FBXO34: variants seen among roughly 807,000 people sequenced by gnomAD.
The protein encoded by FBXO34 is F-box only protein 34.
A neutral mutation model predicts 24.5 loss-of-function variants in FBXO34; 12 were observed. The observed-to-expected ratio is 0.49, with a 90% CI of 0.31 to 0.79. The LOEUF is 0.79. FBXO34 is among the 30% of genes least tolerant of loss of function. The probability of loss-of-function intolerance (pLI) is 0.04; values close to 1 mark genes in which losing one functional copy is unlikely to be tolerated. For missense variants in FBXO34, 823 were observed against 857.7 expected, an observed-to-expected ratio of 0.96 and a Z score of 0.51; for synonymous variants, 320 against 311.9, an observed-to-expected ratio of 1.03 and a Z score of -0.27.
the FBXO34 span, among the ~76,000 whole-genome samples, chr14:55,416,685 T>TG: frequency 1.3e-5 from 2 of 152,186 alleles, no homozygotes; most frequent in Non-Finnish European, 2.9e-5. Flanking sequence ...AGTGAGTTGG[T>TG]GAAGAAGCAA....
At chr14:55,426,652 G>A in the FBXO34 span, among the ~76,000 whole-genome samples, 52 of 151,950 alleles carry the variant, frequency 3.4e-4, no homozygotes, top group Non-Finnish European at 1.5e-5. Context: ...ATGAGGGGGA[G>A]GCAAGAATGA....
At chr14:55,306,088 C>G (rs1566548339) in intron 1 of FBXO34, among the ~76,000 whole-genome samples, 1 of 152,216 alleles carries the variant, frequency 6.6e-6, no homozygotes, top group Non-Finnish European at 1.5e-5. Context: ...CTCCTCTTTT[C>G]CCAGTCATTA....
Position 55,350,987 on chromosome 14 carries a change from C to T in FBXO34, c.597C>T (p.Val199=). 1 of 1,614,174 alleles carries T rather than the reference C, an allele frequency of 6.2e-7. No homozygotes were observed. Among genetic ancestry groups the T allele is most frequent in the Non-Finnish European group, 8.5e-7 (1 of 1,180,016 alleles). Residue 199 remains valine (V), a synonymous_variant, in exon 2 of 2, where the codon GTC becomes GTT. Coordinates refer to ENST00000313833, the MANE Select transcript of FBXO34 (RefSeq NM_017943.4). ...ATGTGAGTGACAGTGGGGATGGAGT[C>T]TATGCTGGGAGGCCTCTGTCAGTTA... ...VHYVSDSGDG[V]YAGRPLSVIQ...
chr14:55,333,592 A>G (rs199727571), intron 1 of FBXO34, among the ~76,000 whole-genome samples: 1 of 152,216 alleles, frequency 6.6e-6, no homozygotes, highest in African/African-American at 2.4e-5. Context: ...ATATAGTTTA[A>G]TTATGTTTTT....
chr14:55,370,389 A>C (rs1167274108), downstream of FBXO34, among the ~76,000 whole-genome samples: 1 of 141,354 alleles, frequency 7.1e-6, no homozygotes, highest in African/African-American at 2.5e-5. Context: ...GTTCCTGTAC[A>C]TATTTAAAAA....
chr14:55,388,141 CCAA>C, the FBXO34 span, among the ~76,000 whole-genome samples: 21 of 152,186 alleles, frequency 1.4e-4, no homozygotes, highest in Middle Eastern at 6.8e-3. Context: ...CATCTCAAAA[CCAA>C]CAACAACAAC....
At chr14:55,442,716 T>C in the FBXO34 span, among the ~76,000 whole-genome samples, 2 of 97,488 alleles carry the variant, frequency 2.1e-5, no homozygotes, top group African/African-American at 8.1e-5. Context: ...TGAGATAACC[T>C]ACACATTTTT....
At chr14:55,315,217 TTA>T (rs1288084425) in intron 1 of FBXO34, among the ~76,000 whole-genome samples, 4 of 152,200 alleles carry the variant, frequency 2.6e-5, no homozygotes, top group African/African-American at 7.2e-5. Flanking sequence ...TCCATGAAAT[TTA>T]TGTTTTTCTT....
intron 1 of FBXO34, among the ~76,000 whole-genome samples, chr14:55,281,747 G>A (rs1881550813): frequency 6.6e-6 from 1 of 152,104 alleles, no homozygotes; most frequent in South Asian, 2.1e-4. Flanking sequence ...TGAGTACTTA[G>A]CCACTCAGCA....
downstream of FBXO34, among the ~76,000 whole-genome samples, chr14:55,365,075 AAAAG>A (rs2140107625): frequency 6.6e-6 from 1 of 150,404 alleles, no homozygotes; most frequent in East Asian, 2.0e-4. Context: ...AAAAAAAAAA[AAAAG>A]CCAGGTGTGG....
At chr14:55,344,174 CTCACCTTCTAG>C (rs1437116249) in intron 1 of FBXO34, among the ~76,000 whole-genome samples, 1 of 152,180 alleles carries the variant, frequency 6.6e-6, no homozygotes, top group Non-Finnish European at 1.5e-5. Flanking sequence ...TGCTCACCCT[CTCACCTTCTAG>C]TCACCCCTCC....
intron 1 of FBXO34, among the ~76,000 whole-genome samples, chr14:55,338,296 G>A (rs142720550): frequency 0.058 from 8,818 of 151,582 alleles, 325 homozygotes; most frequent in South Asian, 0.089. Context: ...TGATCTGCCC[G>A]CCTCGGCCTC....
chr14:55,365,531 C>G (rs778340839), downstream of FBXO34, among the ~76,000 whole-genome samples: 8 of 152,124 alleles, frequency 5.3e-5, no homozygotes, highest in Non-Finnish European at 7.4e-5. Flanking sequence ...TTTATTGATG[C>G]AACTTTTAAA....
intron 1 of FBXO34, among the ~76,000 whole-genome samples, chr14:55,304,780 G>C (rs2139722709): frequency 6.6e-6 from 1 of 152,266 alleles, no homozygotes; most frequent in Admixed American, 6.5e-5. Flanking sequence ...TTATAGGCTT[G>C]AGCCATTGTG....
intron 1 of FBXO34, among the ~76,000 whole-genome samples, chr14:55,338,622 A>G (rs1192804346): frequency 2.6e-5 from 4 of 152,052 alleles, no homozygotes; most frequent in Admixed American, 6.6e-5. Context: ...TTAGGCCTAA[A>G]AACAGGCCAG....
chr14:55,296,747 T>C (rs1042379986), intron 1 of FBXO34, among the ~76,000 whole-genome samples: 1 of 152,182 alleles, frequency 6.6e-6, no homozygotes, highest in Non-Finnish European at 1.5e-5. Context: ...CACAAAATTA[T>C]AGTAGTGGAA....
the FBXO34 span, chr14:55,433,602 G>A: frequency 5.7e-6 from 9 of 1,587,098 alleles, no homozygotes; most frequent in Non-Finnish European, 6.9e-6. Flanking sequence ...TGTTTCTCTG[G>A]TAGGGGTGGA....
chr14:55,287,459 A>T (rs1287933901), intron 1 of FBXO34, among the ~76,000 whole-genome samples: 3 of 152,216 alleles, frequency 2.0e-5, no homozygotes, highest in African/African-American at 4.8e-5. Context: ...AACAGTAAAA[A>T]GTATGACATA....
intron 1 of FBXO34, among the ~76,000 whole-genome samples, chr14:55,331,560 T>TATATACAC (rs150276600): frequency 7.0e-6 from 1 of 142,678 alleles, no homozygotes; most frequent in African/African-American, 2.6e-5. Context: ...TATATATATA[T>TATATACAC]ACACACACAC....
Sources: allele counts gnomAD v4.1 joint callset (sites outside exome capture counted in the v4.1 genomes callset), GRCh38; gene constraint gnomAD v4.1.1; transcripts MANE v1.5; gene names NCBI Gene and HGNC (gene_info 2026-07-23, HGNC 2026-07-21).